The following TIGIT variants were observed in gnomAD, a reference collection of about 807,000 sequenced individuals.
TIGIT encodes T-cell immunoreceptor with Ig and ITIM domains.
In TIGIT, 11 loss-of-function variants were observed where a neutral mutation model predicts 19.6. That is an observed-to-expected ratio of 0.56 (90% CI 0.35 to 0.93). The LOEUF (loss-of-function observed/expected upper bound fraction) is 0.93, where lower values mean the gene tolerates loss of function less well. Ranked by LOEUF, TIGIT falls within the 40% of genes least tolerant of loss-of-function variation. TIGIT has a pLI of 0.01. For synonymous variants in TIGIT, 130 were observed against 125.5 expected, an observed-to-expected ratio of 1.04 and a Z score of -0.24; for missense variants, 295 against 303.9, an observed-to-expected ratio of 0.97 and a Z score of 0.22.
chr3:114,296,026 C>T (rs2078451648), intron 2 of TIGIT, 152 bp downstream of exon 2: 3 of 630,752 alleles, frequency 4.8e-6, no homozygotes, highest in South Asian at 2.1e-5. Context: ...AGGCCTCACC[C>T]AGACCAATTC....
In TIGIT at chr3:114,303,630, T is replaced by TACACACAC. The variant is rs3085123; in HGVS notation, c.498+3947_498+3954dup. 8.4e-4 allele frequency among the ~76,000 whole-genome samples: 97 copies of TACACACAC among 115,868 alleles called. 3 individuals carry two copies. The highest frequency in any genetic ancestry group is 2.9e-3 in the African/African-American group (91 of 31,308). The allele number at this position is 115,868 out of a possible 152,430, so 76.0% of individuals were successfully genotyped here. ...ATATATACATATATATGTATATATA[T>TACACACAC]ACACACACACACACACACACACACA... On this transcript the variant is annotated intron_variant, in intron 3 of 3. Transcript: ENST00000383671.
At chr3:114,304,860 A>T (rs189149494) in intron 3 of TIGIT, among the ~76,000 whole-genome samples, 128 of 152,262 alleles carry the variant, frequency 8.4e-4, no homozygotes, top group Non-Finnish European at 1.9e-4. Context: ...CCTCATTCCA[A>T]GTTTCAGGAG....
chr3:114,303,505 GTATA>G (rs1272943081), intron 3 of TIGIT, among the ~76,000 whole-genome samples: 16 of 117,290 alleles, frequency 1.4e-4, no homozygotes, highest in East Asian at 8.3e-4. Context: ...ATATATATAT[GTATA>G]TATATATACA....
intron 1 of TIGIT, among the ~76,000 whole-genome samples, chr3:114,295,268 G>T (rs2078446057): frequency 1.3e-5 from 2 of 152,132 alleles, no homozygotes; most frequent in South Asian, 4.1e-4. Flanking sequence ...GGGCTGGGCT[G>T]GGCTGGAGTA....
rs1205770046 is a variant in TIGIT at position 114,295,999 on chromosome 3, AAATC to A, written c.391+127_391+130del. On this transcript the variant is annotated intron_variant, in intron 2 of 3. Transcript: ENST00000383671. ...CATTTGAATCACCTGAGGAGATTTT[AAATC>A]ATACTGATGCCGAGGCCTCACCCAG... 1.9e-5 allele frequency: 15 copies of A among 772,066 alleles called. No individual in the cohort carries two copies. In the East Asian group the frequency reaches 4.0e-4, roughly 21 times the overall value. The allele number at this position is 772,066 out of a possible 1,614,324, so 47.8% of individuals were successfully genotyped here.
chr3:114,302,755 G>A (rs528130752), intron 3 of TIGIT, among the ~76,000 whole-genome samples: 1 of 152,248 alleles, frequency 6.6e-6, no homozygotes, highest in South Asian at 2.1e-4. Flanking sequence ...TTCCAGCTTA[G>A]TAAAAGGGAT....
Position 114,294,129 on chromosome 3 carries a change from C to T in TIGIT, c.61+7C>T. The T allele has an allele frequency of 6.5e-7, 1 of 1,550,210 alleles. No homozygotes were observed. Among genetic ancestry groups the T allele is most frequent in the African/African-American group, 1.4e-5 (1 of 73,262 alleles). ...CAGGCTCCCCTCGCCTCAGGTAAGG[C>T]CTGAAACCCAGCAGAGCAGCAGGGA... On this transcript the variant is annotated splice_region_variant and intron_variant, in intron 1 of 3. Coordinates refer to ENST00000383671, the MANE Select transcript of TIGIT (RefSeq NM_173799.4).
At position 114,309,171 on chromosome 3, in the gene TIGIT, G is replaced by C. The variant is rs571559653; in HGVS notation, c.*1040G>C. The C allele has an allele frequency of 6.6e-6, 1 of 152,316 alleles. No individual in the cohort carries two copies. Among genetic ancestry groups the C allele is most frequent in the Non-Finnish European group, 1.5e-5 (1 of 68,026 alleles). The allele number at this position is 152,316 out of a possible 1,614,324, so 9.4% of individuals were successfully genotyped here. A position where few individuals can be genotyped will look rare whatever the true frequency, so the allele number is the denominator to read the frequency against. On this transcript the variant is annotated 3_prime_UTR_variant, in exon 4 of 4. Coordinates refer to ENST00000383671, the MANE Select transcript of TIGIT (RefSeq NM_173799.4). The stretch of plus-strand genomic sequence containing the variant: ...AGAAAATGTGGATTTTTAAAATAGG[G>C]ACTCTTCCTAGGGGAAAAAGGGGGG...
rs775775535 is a variant in TIGIT, at chr3:114,295,683, C to T, written c.200C>T (p.Ala67Val). The T allele has an allele frequency of 2.2e-5, 35 of 1,614,116 alleles. No individual in the cohort carries two copies. The highest frequency in any genetic ancestry group is 2.0e-5 in the Non-Finnish European group (24 of 1,180,046). Reference protein sequence around the residue: ...VNWEQQDQLLAICNADLGWHI... With the variant: ...VNWEQQDQLLVICNADLGWHI... ...TGGGAGCAGCAGGACCAGCTTCTGG[C>T]CATTTGTAATGCTGACTTGGGGTGG... The change falls in exon 2 of 4, where the codon GCC becomes GTC. Residue 67 changes from alanine to valine, a missense_variant. Physicochemically the swap from Ala to Val is moderately conservative, Grantham distance 64 (BLOSUM62 0). Transcript: ENST00000383671.
intron 3 of TIGIT, among the ~76,000 whole-genome samples, chr3:114,305,788 GGAT>G: frequency 1.4e-5 from 1 of 73,764 alleles, no homozygotes; most frequent in Non-Finnish European, 3.9e-5. Context: ...ATAGATGGAT[GGAT>G]GGATGGATGG....
At position 114,295,695 on chromosome 3, in the gene TIGIT, C is replaced by A. The variant is rs751902028; in HGVS notation, c.212C>A (p.Ala71Asp). 2 of 1,614,240 alleles carry A rather than the reference C, an allele frequency of 1.2e-6. No homozygotes were observed. Among genetic ancestry groups the A allele is most frequent in the Admixed American group, 3.3e-5 (2 of 60,030 alleles). ...GACCAGCTTCTGGCCATTTGTAATG[C>A]TGACTTGGGGTGGCACATCTCCCCA... ...QQDQLLAICN[A>D]DLGWHISPSF... The change falls in exon 2 of 4, where the codon GCT becomes GAT. Residue 71 changes from alanine to aspartate, a missense_variant. Transcript: ENST00000383671.
intron 1 of TIGIT, 84 bp downstream of exon 1, chr3:114,294,206 A>G: frequency 9.3e-7 from 1 of 1,077,520 alleles, no homozygotes. Flanking sequence ...TGTAGGGAAG[A>G]CTCCAAGAGC....
intron 3 of TIGIT, among the ~76,000 whole-genome samples, chr3:114,304,190 A>C (rs1032848428): frequency 2.6e-5 from 4 of 151,918 alleles, no homozygotes; most frequent in Admixed American, 2.6e-4. Flanking sequence ...ATTTTCTCCC[A>C]ATCTGTGGGC....
rs1254945081 is a variant in TIGIT at position 114,309,758 on chromosome 3, A to C, written c.*1627A>C. ...TGTTGGAAATAGAACACAATTCACA[A>C]ATTGGAAGTGAACTAAAATGTAATG... is the stretch of plus-strand genomic sequence containing the variant. On this transcript the variant is annotated 3_prime_UTR_variant, in exon 4 of 4. Coordinates refer to ENST00000383671, the MANE Select transcript of TIGIT (RefSeq NM_173799.4). 6.6e-6 allele frequency: 1 copy of C among 152,190 alleles called. No homozygotes were observed. Among genetic ancestry groups the C allele is most frequent in the Non-Finnish European group, 1.5e-5 (1 of 68,028 alleles). The allele number at this position is 152,190 out of a possible 1,614,324, so 9.4% of individuals were successfully genotyped here.
Position 114,295,584 on chromosome 3 carries a change from C to T in TIGIT, c.101C>T (p.Ser34Phe), listed in dbSNP as rs1441981882. ...TGTIETTGNI[S>F]AEKGGSIILQ... ...ACAATAGAAACAACGGGGAACATTT[C>T]TGCAGAGAAAGGTGGCTCTATCATC... is the stretch of plus-strand genomic sequence containing the variant. Residue 34 changes from serine (S) to phenylalanine (F), a missense_variant, in exon 2 of 4, where the codon TCT (serine) becomes TTT (phenylalanine). Ser to Phe is a radical substitution (Grantham distance 155, BLOSUM62 -2). Coordinates refer to ENST00000383671, the MANE Select transcript of TIGIT (RefSeq NM_173799.4). The T allele has an allele frequency of 4.3e-6, 7 of 1,614,150 alleles. No homozygotes were observed. The highest frequency in any genetic ancestry group is 5.9e-6 in the Non-Finnish European group (7 of 1,180,014).
In TIGIT at chr3:114,296,890, C is replaced by CT. The variant is rs11289140; in HGVS notation, c.391+1037dup. 2.5e-3 allele frequency among the ~76,000 whole-genome samples: 284 copies of CT among 112,844 alleles called. 2 individuals are homozygous for CT. The highest frequency in any genetic ancestry group is 5.0e-3 in the African/African-American group (152 of 30,520). The allele number at this position is 112,844 out of a possible 152,430, so 74.0% of individuals were successfully genotyped here. On this transcript the variant is annotated intron_variant, in intron 2 of 3. Transcript: ENST00000383671. ...TAAAGTTTCCTTTCAAATGTTACTT[C>CT]TTTTTTTTTTTTTTTTTTTTTGAGA...
At chr3:114,304,596 C>T (rs1054186029) in intron 3 of TIGIT, among the ~76,000 whole-genome samples, 2 of 152,220 alleles carry the variant, frequency 1.3e-5, no homozygotes, top group Non-Finnish European at 2.9e-5. Flanking sequence ...CATCTTCTCC[C>T]AGTCCCTGCC....
chr3:114,294,187 G>A, intron 1 of TIGIT, 65 bp downstream of exon 1: 1 of 1,355,858 alleles, frequency 7.4e-7, no homozygotes, highest in Non-Finnish European at 1.0e-6. Context: ...TTGGAGACTT[G>A]GGTGCTTGTG....
intron 3 of TIGIT, among the ~76,000 whole-genome samples, chr3:114,305,563 G>A (rs1420165653): frequency 6.6e-6 from 1 of 152,148 alleles, no homozygotes; most frequent in Non-Finnish European, 1.5e-5. Flanking sequence ...CTTTAGGCAG[G>A]GAGCTGGCAT....
Sources: gnomAD v4.1 joint callset for allele counts (sites outside exome capture counted in the v4.1 genomes callset) on GRCh38, gnomAD v4.1.1 for gene constraint, MANE v1.5 for transcripts, NCBI Gene and HGNC (gene_info 2026-07-23, HGNC 2026-07-21) for gene names.